Variants in GALNT14 observed in about 807,000 individuals in gnomAD.
GALNT14 encodes the protein UDP-GalNAc:polypeptide N-acetylgalactosaminyltransferase 14.
In GALNT14, 60 loss-of-function variants were observed where a neutral mutation model predicts 77.5. The ratio of observed to expected loss-of-function variants is 0.77; its 90% CI spans 0.63 to 0.96. GALNT14 has a LOEUF of 0.96. Among genes scored for constraint, GALNT14 ranks in the 40% least tolerant of loss-of-function variants. The pLI is 0.00. For synonymous variants in GALNT14, 280 were observed against 281.7 expected (o/e 0.99, Z 0.06); for missense variants, 710 against 731.0 (o/e 0.97, Z 0.33).
chr2:31,094,146 C>G (rs1263368093), intron 1 of GALNT14, among the ~76,000 whole-genome samples: 1 of 152,210 alleles, frequency 6.6e-6, no homozygotes, highest in Non-Finnish European at 1.5e-5. Flanking sequence ...TCTGCCCCAC[C>G]CTAACAGATC....
At chr2:30,973,530 G>T (rs1173366031) in intron 2 of GALNT14, among the ~76,000 whole-genome samples, 1 of 152,198 alleles carries the variant, frequency 6.6e-6, no homozygotes, top group Non-Finnish European at 1.5e-5. Flanking sequence ...ATCTATGTAA[G>T]GAAGCCTGCT....
At chr2:31,003,413 T>C (rs1432793988) in intron 1 of GALNT14, among the ~76,000 whole-genome samples, 1 of 152,186 alleles carries the variant, frequency 6.6e-6, no homozygotes, top group African/African-American at 2.4e-5. Flanking sequence ...CTCACCCTCC[T>C]CCCTCAACAG....
At chr2:30,981,895 G>A (rs868567161) in intron 2 of GALNT14, among the ~76,000 whole-genome samples, 1 of 152,182 alleles carries the variant, frequency 6.6e-6, no homozygotes. Context: ...GAAAGGGCAT[G>A]CACTTTCGCA....
intron 1 of GALNT14, among the ~76,000 whole-genome samples, chr2:31,045,448 C>G (rs755869038): frequency 6.6e-6 from 1 of 152,054 alleles, no homozygotes; most frequent in Non-Finnish European, 1.5e-5. Context: ...ATGACCCCTC[C>G]CCCATTTTCA....
Position 30,992,801 on chromosome 2 carries a change from A to G in GALNT14, c.299+37T>C, listed in dbSNP as rs567664037. On this transcript the variant is annotated intron_variant, in intron 2 of 14. Transcript: ENST00000349752. The stretch of plus-strand genomic sequence containing the variant: ...TCAAGCCTGCTGTTGATCTCTTTTG[A>G]CTGCGGGGGTAACAGAGTGGGAGAA... 49 of 1,603,580 alleles carry G rather than the reference A, an allele frequency of 3.1e-5. No individual in the cohort carries two copies. In the East Asian group the frequency reaches 1.0e-3, roughly 34 times the overall value.
chr2:30,925,313 T>C (rs547436580), intron 11 of GALNT14, among the ~76,000 whole-genome samples: 4 of 152,230 alleles, frequency 2.6e-5, no homozygotes, highest in Non-Finnish European at 5.9e-5. Context: ...ACCTACTATG[T>C]GTCAGGCATT....
intron 11 of GALNT14, among the ~76,000 whole-genome samples, chr2:30,928,072 T>C (rs1305448711): frequency 1.3e-5 from 2 of 152,108 alleles, no homozygotes; most frequent in African/African-American, 2.4e-5. Flanking sequence ...GAGGGGGATG[T>C]GGTTGATATG....
intron 1 of GALNT14, among the ~76,000 whole-genome samples, chr2:31,081,227 T>C (rs1343115171): frequency 6.6e-6 from 1 of 152,338 alleles, no homozygotes; most frequent in Middle Eastern, 3.4e-3. Context: ...TAAGGCCTCG[T>C]GAAGGTCATA....
intron 9 of GALNT14, among the ~76,000 whole-genome samples, chr2:30,937,572 C>A (rs1312293338): frequency 6.6e-6 from 1 of 152,166 alleles, no homozygotes; most frequent in African/African-American, 2.4e-5. Flanking sequence ...TCCATGTCGC[C>A]CCCTCCAGCA....
chr2:31,014,047 A>C (rs894005557), intron 1 of GALNT14, among the ~76,000 whole-genome samples: 1 of 152,232 alleles, frequency 6.6e-6, no homozygotes, highest in African/African-American at 2.4e-5. Flanking sequence ...CACTGGCTCC[A>C]CTGCTTACTG....
intron 1 of GALNT14, among the ~76,000 whole-genome samples, chr2:31,055,831 A>C (rs1236261689): frequency 6.6e-6 from 1 of 152,256 alleles, no homozygotes; most frequent in East Asian, 1.9e-4. Context: ...CAGAGAGGAC[A>C]GCAGCCACAG....
At chr2:31,121,432 T>C (rs988382688) in intron 1 of GALNT14, among the ~76,000 whole-genome samples, 1 of 152,156 alleles carries the variant, frequency 6.6e-6, no homozygotes, top group Non-Finnish European at 1.5e-5. Flanking sequence ...GGACATACTA[T>C]AGACAATAAA....
intron 3 of GALNT14, among the ~76,000 whole-genome samples, chr2:30,965,543 T>G (rs1032755104): frequency 6.6e-6 from 1 of 152,094 alleles, no homozygotes; most frequent in South Asian, 2.1e-4. Context: ...TGCAGGTCTA[T>G]GTTCTGAGGG....
intron 1 of GALNT14, among the ~76,000 whole-genome samples, chr2:31,100,421 T>G (rs1278927238): frequency 6.6e-6 from 1 of 152,132 alleles, no homozygotes. Context: ...TTGCACATTG[T>G]TAGTTTATGG....
At chr2:30,947,346 A>G (rs1474534664) in intron 6 of GALNT14, among the ~76,000 whole-genome samples, 1 of 152,238 alleles carries the variant, frequency 6.6e-6, no homozygotes, top group Non-Finnish European at 1.5e-5. Flanking sequence ...CTAGCTTTCC[A>G]GCCTCATTAC....
chr2:30,888,737 G>T, the GALNT14 span, among the ~76,000 whole-genome samples: 2 of 152,170 alleles, frequency 1.3e-5, no homozygotes, highest in African/African-American at 4.8e-5. Flanking sequence ...GAAAGAAGGA[G>T]AAGAGGAGGG....
At chr2:31,019,384 G>C (rs1671577113) in intron 1 of GALNT14, among the ~76,000 whole-genome samples, 1 of 152,180 alleles carries the variant, frequency 6.6e-6, no homozygotes, top group Non-Finnish European at 1.5e-5. Context: ...CAGAACTGCA[G>C]AGCCTAGTAC....
intron 1 of GALNT14, among the ~76,000 whole-genome samples, chr2:31,083,345 G>A (rs1573322049): frequency 6.6e-6 from 1 of 152,208 alleles, no homozygotes; most frequent in East Asian, 1.9e-4. Flanking sequence ...AGTTTTTGTT[G>A]TATGAGGATC....
At chr2:31,092,208 T>C (rs1676779873) in intron 1 of GALNT14, among the ~76,000 whole-genome samples, 1 of 152,014 alleles carries the variant, frequency 6.6e-6, no homozygotes, top group Admixed American at 6.6e-5. Context: ...AGACAGTCTA[T>C]TGTGGGACCT....
Sources: gnomAD v4.1 joint callset for allele counts (sites outside exome capture counted in the v4.1 genomes callset) on GRCh38, gnomAD v4.1.1 for gene constraint, MANE v1.5 for transcripts, NCBI Gene and HGNC (gene_info 2026-07-23, HGNC 2026-07-21) for gene names.